RORA: variants seen among roughly 807,000 people sequenced by gnomAD.
RORA encodes nuclear receptor ROR-alpha.
In RORA, 7 loss-of-function variants were observed where a neutral mutation model predicts 69.5. The ratio of observed to expected loss-of-function variants is 0.10; its 90% CI spans 0.06 to 0.19. The LOEUF (loss-of-function observed/expected upper bound fraction) is 0.19, where lower values mean the gene tolerates loss of function less well. RORA is among the 10% of genes least tolerant of loss of function. The probability of loss-of-function intolerance (pLI) is 1.00; values close to 1 mark genes in which losing one functional copy is unlikely to be tolerated. For synonymous variants in RORA, 261 were observed against 240.8 expected (o/e 1.08, Z -0.78); for missense variants, 457 against 663.0 (o/e 0.69, Z 3.41).
At chr15:60,935,761 G>A (rs140879787) in intron 1 of RORA, among the ~76,000 whole-genome samples, 84 of 152,350 alleles carry the variant, frequency 5.5e-4, no homozygotes, top group African/African-American at 2.0e-3. Context: ...ATCCTTCATT[G>A]CTTTGGAGGA....
At chr15:60,660,529 C>A (rs1048960199) in intron 2 of RORA, among the ~76,000 whole-genome samples, 1 of 152,120 alleles carries the variant, frequency 6.6e-6, no homozygotes, top group African/African-American at 2.4e-5. Flanking sequence ...TTCACCTGCA[C>A]CTTAAAAAGA....
chr15:60,525,361 T>A (rs1356396365), intron 3 of RORA, among the ~76,000 whole-genome samples: 1 of 152,186 alleles, frequency 6.6e-6, no homozygotes, highest in South Asian at 2.1e-4. Flanking sequence ...TTCTGAGTTG[T>A]CCCCTCCTGT....
At chr15:60,829,466 T>C (rs1406184772) in intron 1 of RORA, among the ~76,000 whole-genome samples, 1 of 152,158 alleles carries the variant, frequency 6.6e-6, no homozygotes, top group Non-Finnish European at 1.5e-5. Context: ...AATAGTTGTC[T>C]GGCCACATCT....
intron 2 of RORA, among the ~76,000 whole-genome samples, chr15:60,543,426 C>A (rs2066965630): frequency 6.6e-6 from 1 of 152,098 alleles, no homozygotes; most frequent in Admixed American, 6.6e-5. Flanking sequence ...CCTGTAGCAT[C>A]AGTGCCCACC....
intron 2 of RORA, among the ~76,000 whole-genome samples, chr15:60,547,043 GTGGGCGTGGAGA>G (rs1427825246): frequency 6.6e-6 from 1 of 152,170 alleles, no homozygotes; most frequent in African/African-American, 2.4e-5. Flanking sequence ...GACACGTACT[GTGGGCGTGGAGA>G]TGCTCCTATG....
chr15:61,070,146 A>T (rs2140587787), intron 1 of RORA, among the ~76,000 whole-genome samples: 1 of 152,340 alleles, frequency 6.6e-6, no homozygotes, highest in Non-Finnish European at 1.5e-5. Flanking sequence ...GAGGTAGAAG[A>T]ATACATAAAG....
chr15:60,708,385 G>A (rs12910961), intron 1 of RORA, among the ~76,000 whole-genome samples: 126 of 146,350 alleles, frequency 8.6e-4, no homozygotes, highest in Admixed American at 2.4e-3. Context: ...TGGCACCACC[G>A]CACTCCAGCC....
chr15:61,077,365 T>C (rs544655052), intron 1 of RORA, among the ~76,000 whole-genome samples: 1 of 152,174 alleles, frequency 6.6e-6, no homozygotes, highest in African/African-American at 2.4e-5. Context: ...AACTGAAGAA[T>C]TGTGGATTCA....
intron 1 of RORA, among the ~76,000 whole-genome samples, chr15:60,714,278 C>G (rs2071188581): frequency 6.6e-6 from 1 of 152,070 alleles, no homozygotes; most frequent in Non-Finnish European, 1.5e-5. Flanking sequence ...AGCCTGGTCT[C>G]CAACTCCTGA....
At chr15:60,819,771 A>ACACACACACACACACGCGCG (rs2072868646) in intron 1 of RORA, among the ~76,000 whole-genome samples, 1 of 151,288 alleles carries the variant, frequency 6.6e-6, no homozygotes, top group Admixed American at 6.6e-5. Flanking sequence ...ACACACACAC[A>ACACACACACACACACGCGCG]CACACACACA....
intron 1 of RORA, among the ~76,000 whole-genome samples, chr15:60,837,622 T>C (rs755807042): frequency 2.2e-4 from 34 of 152,256 alleles, no homozygotes; most frequent in Non-Finnish European, 4.3e-4. Context: ...CTCTAAGTCA[T>C]GTCTCAGGCT....
At chr15:60,945,408 G>A (rs893164059) in intron 1 of RORA, among the ~76,000 whole-genome samples, 1 of 152,204 alleles carries the variant, frequency 6.6e-6, no homozygotes, top group Non-Finnish European at 1.5e-5. Flanking sequence ...CCAGGACACA[G>A]TGGCTTGCAT....
chr15:60,516,153 A>G lies in RORA; in HGVS notation c.283-1396T>C, dbSNP rs1440126137. 3.8e-4 allele frequency among the ~76,000 whole-genome samples: 12 copies of G among 31,558 alleles called. No homozygotes were observed. The South Asian group carries it at 9.2e-3, about 24-fold the overall frequency. The allele number at this position is 31,558 out of a possible 152,430, so 20.7% of individuals were successfully genotyped here. On this transcript the variant is annotated intron_variant, in intron 3 of 10. Transcript: ENST00000335670. ...TAAATATATTTATATATATTTATAT[A>G]TATATATTTATATATATATTTATAT...
At chr15:60,797,039 AATTAT>A (rs2072508666) in intron 1 of RORA, among the ~76,000 whole-genome samples, 1 of 147,942 alleles carries the variant, frequency 6.8e-6, no homozygotes, top group African/African-American at 2.5e-5. Context: ...TATAATATAT[AATTAT>A]ATTATCTATA....
chr15:60,983,726 T>A (rs182268604), intron 1 of RORA, among the ~76,000 whole-genome samples: 1 of 152,316 alleles, frequency 6.6e-6, no homozygotes, highest in African/African-American at 2.4e-5. Flanking sequence ...GCTCCCACTT[T>A]GAGTTGTCCC....
intron 1 of RORA, among the ~76,000 whole-genome samples, chr15:61,150,756 C>G (rs1196639164): frequency 6.6e-6 from 1 of 151,962 alleles, no homozygotes; most frequent in Non-Finnish European, 1.5e-5. Context: ...GCAGTTTGAC[C>G]AGGGGAAACT....
intron 2 of RORA, among the ~76,000 whole-genome samples, chr15:60,662,195 T>C (rs966691294): frequency 2.0e-5 from 3 of 152,372 alleles, no homozygotes; most frequent in African/African-American, 7.2e-5. Context: ...TAGCTTATGA[T>C]GGTTCCCATC....
At chr15:60,964,960 C>T (rs111340906) in intron 1 of RORA, among the ~76,000 whole-genome samples, 1,623 of 152,256 alleles carry the variant, frequency 0.011, 30 homozygotes, top group African/African-American at 0.037. Context: ...CACTGAATTA[C>T]GCCATACTAA....
At chr15:60,925,668 C>T (rs1327408254) in intron 1 of RORA, among the ~76,000 whole-genome samples, 2 of 152,200 alleles carry the variant, frequency 1.3e-5, no homozygotes, top group East Asian at 1.9e-4. Flanking sequence ...CGGCCATTGG[C>T]GGCTGAGCAC....
Sources: allele counts gnomAD v4.1 joint callset (sites outside exome capture counted in the v4.1 genomes callset), GRCh38; gene constraint gnomAD v4.1.1; transcripts MANE v1.5; gene names NCBI Gene and HGNC (gene_info 2026-07-23, HGNC 2026-07-21).